RBMS1: variants seen among roughly 807,000 people sequenced by gnomAD.
RBMS1 encodes RNA binding motif single stranded interacting protein 1.
A neutral mutation model predicts 62.3 loss-of-function variants in RBMS1; 17 were observed. The ratio of observed to expected loss-of-function variants is 0.27; its 90% confidence interval spans 0.19 to 0.41. The LOEUF is 0.41. Ranked by LOEUF, RBMS1 falls within the 10% of genes least tolerant of loss-of-function variation. The pLI is 1.00. For synonymous variants in RBMS1, 172 were observed against 170.0 expected (o/e 1.01, Z -0.09); for missense variants, 334 against 504.5 (o/e 0.66, Z 3.24).
chr2:160,426,278 A>G (rs1682593523), intron 1 of RBMS1, among the ~76,000 whole-genome samples: 1 of 120,404 alleles, frequency 8.3e-6, no homozygotes, highest in Non-Finnish European at 1.7e-5. Context: ...AGAAAGAAAG[A>G]AAGAAAGAAA....
intron 1 of RBMS1, among the ~76,000 whole-genome samples, chr2:160,471,716 T>TATATATATATATATATATATATA (rs371634389): frequency 1.4e-3 from 109 of 76,178 alleles, no homozygotes; most frequent in Non-Finnish European, 2.1e-3. Flanking sequence ...TATATATATA[T>TATATATATATATATATATATATA]AACCTTTCAT....
At chr2:160,381,650 T>C (rs1023252596) in intron 1 of RBMS1, among the ~76,000 whole-genome samples, 2 of 152,204 alleles carry the variant, frequency 1.3e-5, no homozygotes, top group Non-Finnish European at 2.9e-5. Context: ...GCATATGCCA[T>C]TCAGTTTCAC....
intron 1 of RBMS1, among the ~76,000 whole-genome samples, chr2:160,385,130 T>C (rs1444221981): frequency 6.6e-6 from 1 of 152,208 alleles, no homozygotes; most frequent in East Asian, 1.9e-4. Context: ...CAGAACCATG[T>C]GCCAATTAGA....
At chr2:160,281,590 T>C in intron 9 of RBMS1, 1 of 424,356 alleles carries the variant, frequency 2.4e-6, no homozygotes, top group Non-Finnish European at 4.2e-6. Flanking sequence ...ACTCAAGAAG[T>C]AATTGTTGAG....
intron 1 of RBMS1, among the ~76,000 whole-genome samples, chr2:160,485,430 T>C (rs1253708415): frequency 2.6e-5 from 4 of 152,198 alleles, no homozygotes. Context: ...ACATCTGATG[T>C]GGTGATTTGG....
intron 1 of RBMS1, chr2:160,407,723 C>CG (rs1275962625): frequency 1.0e-6 from 1 of 981,334 alleles, no homozygotes; most frequent in Non-Finnish European, 1.2e-6. Context: ...CTTCGACCTC[C>CG]GCACTCGCCT....
chr2:160,404,212 T>G (rs1416046246), intron 1 of RBMS1, among the ~76,000 whole-genome samples: 1 of 152,160 alleles, frequency 6.6e-6, no homozygotes, highest in Non-Finnish European at 1.5e-5. Context: ...CACTTTGACT[T>G]GAGCTGAGCA....
At chr2:160,336,906 T>C (rs1375398641) in intron 2 of RBMS1, among the ~76,000 whole-genome samples, 3 of 152,178 alleles carry the variant, frequency 2.0e-5, no homozygotes, top group Non-Finnish European at 4.4e-5. Context: ...ATTTAAACCA[T>C]GGCTAACACA....
intron 2 of RBMS1, among the ~76,000 whole-genome samples, chr2:160,354,901 T>C (rs1692711256): frequency 6.6e-6 from 1 of 152,100 alleles, no homozygotes; most frequent in Non-Finnish European, 1.5e-5. Flanking sequence ...CACCATAAAC[T>C]TGGTCAGGAT....
At chr2:160,314,339 TG>T (rs1574265798) in intron 3 of RBMS1, among the ~76,000 whole-genome samples, 1 of 152,222 alleles carries the variant, frequency 6.6e-6, no homozygotes, top group East Asian at 1.9e-4. Context: ...GAGCCTTCCA[TG>T]GAACTCAAAC....
chr2:160,349,549 C>G (rs1573909023), intron 2 of RBMS1, among the ~76,000 whole-genome samples: 2 of 126,978 alleles, frequency 1.6e-5, no homozygotes, highest in African/African-American at 3.1e-5. Flanking sequence ...ATCTCAGAGA[C>G]AGAAAGAGAG....
chr2:160,425,048 T>C (rs1426322419), intron 1 of RBMS1, among the ~76,000 whole-genome samples: 3 of 152,152 alleles, frequency 2.0e-5, no homozygotes, highest in East Asian at 3.8e-4. Flanking sequence ...AAATGGAATA[T>C]GGTCAATAAA....
intron 1 of RBMS1, among the ~76,000 whole-genome samples, chr2:160,426,763 G>T (rs552083044): frequency 6.6e-6 from 1 of 152,120 alleles, no homozygotes; most frequent in African/African-American, 2.4e-5. Context: ...GATCTGTGCC[G>T]CCACCTCATT....
At chr2:160,370,914 CTGT>C (rs759359566) in intron 1 of RBMS1, among the ~76,000 whole-genome samples, 6 of 152,074 alleles carry the variant, frequency 3.9e-5, no homozygotes, top group Non-Finnish European at 7.4e-5. Flanking sequence ...AACACACAGT[CTGT>C]TAAGTATTAA....
chr2:160,408,853 G>A (rs1305768409), intron 1 of RBMS1, among the ~76,000 whole-genome samples: 1 of 152,214 alleles, frequency 6.6e-6, no homozygotes, highest in Non-Finnish European at 1.5e-5. Flanking sequence ...AAGCCACTGG[G>A]ACGGGCTTGC....
intron 2 of RBMS1, among the ~76,000 whole-genome samples, chr2:160,338,228 T>G (rs1361297162): frequency 1.3e-5 from 2 of 152,168 alleles, no homozygotes; most frequent in Non-Finnish European, 2.9e-5. Flanking sequence ...AATTGGAAAT[T>G]AAAAATTTAA....
At chr2:160,401,585 A>G (rs567244810) in intron 1 of RBMS1, among the ~76,000 whole-genome samples, 3 of 152,378 alleles carry the variant, frequency 2.0e-5, no homozygotes, top group South Asian at 4.1e-4. Context: ...ACAGATGTCC[A>G]AGGACAAAAA....
In RBMS1 at chr2:160,440,068, TGGAGAGGGGAGAGGGGAGAGG is replaced by T. The variant is rs772190017; in HGVS notation, c.75+53200_75+53220del. Among the ~76,000 whole-genome samples, 9 of 38,874 alleles carry T rather than the reference TGGAGAGGGGAGAGGGGAGAGG, an allele frequency of 2.3e-4. No individual in the cohort carries two copies. The South Asian group carries it at 3.1e-3, about 13-fold the overall frequency. 25.5% of individuals were successfully genotyped at this position (38,874 alleles called of 152,430 possible). ...TGGAAAGAGAGGGAGAGGGAGACCGTGGAGAGGGGAGAGGGGAGAGGGGAGAGGGGAGAGGGGAGAGGGCTT... is the reference window on the plus strand; with the variant it reads ...TGGAAAGAGAGGGAGAGGGAGACCGTGGAGAGGGGAGAGGGGAGAGGGCTT... On this transcript the variant is annotated intron_variant, in intron 1 of 13. Coordinates refer to ENST00000348849, the MANE Select transcript of RBMS1 (RefSeq NM_016836.4).
chr2:160,298,981 G>T (rs1232392196), intron 6 of RBMS1, among the ~76,000 whole-genome samples: 1 of 151,736 alleles, frequency 6.6e-6, no homozygotes, highest in Non-Finnish European at 1.5e-5. Context: ...TGGCTTGGGT[G>T]TCTGGGTAGA....
Sources: gnomAD v4.1 joint callset for allele counts (sites outside exome capture counted in the v4.1 genomes callset) on GRCh38, gnomAD v4.1.1 for gene constraint, MANE v1.5 for transcripts, NCBI Gene and HGNC (gene_info 2026-07-23, HGNC 2026-07-21) for gene names.